The following PPWD1 variants were observed in gnomAD, a reference collection of about 807,000 sequenced individuals.
The protein encoded by PPWD1 is peptidylprolyl isomerase domain and WD repeat containing 1.
In PPWD1, 43 loss-of-function variants were observed where a neutral mutation model predicts 68.8. The ratio of observed to expected loss-of-function variants is 0.62; its 90% CI spans 0.49 to 0.81. The LOEUF (loss-of-function observed/expected upper bound fraction) is 0.81. PPWD1 is among the 30% of genes least tolerant of loss of function. The pLI is 0.00. For synonymous variants in PPWD1, 232 were observed against 258.7 expected, an observed-to-expected ratio of 0.90 and a Z score of 0.99; for missense variants, 672 against 804.8, an observed-to-expected ratio of 0.83 and a Z score of 2.00.
rs901490546 is a variant in PPWD1 at position 65,563,323 on chromosome 5, A to G, written c.13A>G (p.Ser5Gly). 1 of 1,613,094 alleles carries G rather than the reference A, an allele frequency of 6.2e-7. No individual in the cohort carries two copies. The highest frequency in any genetic ancestry group is 1.7e-4 in the Middle Eastern group (1 of 6,052). The change falls in exon 1 of 11, where the codon AGT becomes GGT. Residue 5 changes from serine (S) to glycine (G), a missense_variant. This residue lies in a region of PPWD1 where 188 missense variants were observed against 158.6 expected (regional missense o/e 1.19). Coordinates refer to ENST00000261308, the MANE Select transcript of PPWD1 (RefSeq NM_015342.4). ...CGATGCGAACAACATGGCGGCGGAA[A>G]GTGGTAGCGATTTTCAGCAGAGACG... The part of the protein sequence containing the change: MAAE[S>G]GSDFQQRRRR...
In PPWD1 at chr5:65,583,043, C is replaced by T; in HGVS notation, c.1356C>T (p.Thr452=). ...SFKKNRFYMF[T]KREPEDTKSA... ...TTTTTACTTTCCTCCTTGAGTTTAC[C>T]AAACGAGAACCAGAAGATACGAAAA... The change falls in exon 8 of 11, where the codon ACC becomes ACT. Residue 452 remains threonine, a synonymous_variant. Coordinates refer to ENST00000261308, the MANE Select transcript of PPWD1 (RefSeq NM_015342.4). 1 of 1,564,528 alleles carries T rather than the reference C, an allele frequency of 6.4e-7. No individual in the cohort carries two copies. The highest frequency in any genetic ancestry group is 8.7e-7 in the Non-Finnish European group (1 of 1,155,098).
intron 6 of PPWD1, 64 bp downstream of exon 6, chr5:65,577,133 TG>T: frequency 1.3e-6 from 2 of 1,532,782 alleles, no homozygotes; most frequent in South Asian, 2.6e-5. Flanking sequence ...TCCTCCATCA[TG>T]GGAACAGTGG....
intron 8 of PPWD1, among the ~76,000 whole-genome samples, chr5:65,584,370 T>G (rs546536358): frequency 8.5e-5 from 13 of 152,256 alleles, no homozygotes; most frequent in African/African-American, 3.1e-4. Context: ...TTAATATTAT[T>G]GAGAAAGCTT....
intron 1 of PPWD1, 112 bp from the exon 2 acceptor site, chr5:65,567,401 T>G: frequency 7.4e-7 from 1 of 1,356,818 alleles, no homozygotes; most frequent in South Asian, 1.9e-5. Context: ...AAAACTAAAA[T>G]CCAGGAGAAA....
intron 6 of PPWD1, among the ~76,000 whole-genome samples, chr5:65,578,818 ACTTTTTTT>A (rs1753453221): frequency 2.1e-5 from 3 of 141,152 alleles, no homozygotes; most frequent in Non-Finnish European, 3.1e-5. Flanking sequence ...GTATATATAT[ACTTTTTTT>A]TAAAAAAAGA....
At chr5:65,580,702 C>T (rs1753557074) in intron 7 of PPWD1, among the ~76,000 whole-genome samples, 1 of 152,088 alleles carries the variant, frequency 6.6e-6, no homozygotes, top group African/African-American at 2.4e-5. Flanking sequence ...TTAGTAGTGA[C>T]AGGGTTTCAC....
rs1384514281 is a variant in PPWD1 at position 65,573,537 on chromosome 5, TTTTTTTTTTTTTTTTTA to T, written c.969+1252_969+1268del. Among the ~76,000 whole-genome samples the T allele has an allele frequency of 2.8e-3, 132 of 46,644 alleles. 7 individuals are homozygous for T. In the East Asian group the frequency reaches 0.04, roughly 14 times the overall value. 30.6% of individuals were successfully genotyped at this position (46,644 alleles called of 152,430 possible). A position where few individuals can be genotyped will look rare whatever the true frequency, so the allele number is the denominator to read the frequency against. ...GATGGTTTTTTTTTTTTTTTTTTTTTTTTTTTTTTTTTTTTTAAGTACAGACGGGTTTCACCGTGTTA... is the reference window on the plus strand; with the variant it reads ...GATGGTTTTTTTTTTTTTTTTTTTTTAGTACAGACGGGTTTCACCGTGTTA... On this transcript the variant is annotated intron_variant, in intron 5 of 10. Transcript: ENST00000261308.
In PPWD1 at chr5:65,569,634, C is replaced by T. The variant is rs199602684; in HGVS notation, c.302C>T (p.Thr101Ile). The T allele has an allele frequency of 6.4e-7, 1 of 1,573,294 alleles. No homozygotes were observed. Among genetic ancestry groups the T allele is most frequent in the Admixed American group, 1.7e-5 (1 of 58,820 alleles). ...DVITHVVCTKTDFIITASHDG... is the reference protein window; with the variant it reads ...DVITHVVCTKIDFIITASHDG... Reference sequence around the variant, plus strand: ...CTTTTAACATTTCATATATGCAGAACAGATTTTATTATTACTGCCAGTCAT... The same window carrying T: ...CTTTTAACATTTCATATATGCAGAATAGATTTTATTATTACTGCCAGTCAT... Residue 101 changes from threonine to isoleucine, a missense_variant and splice_region_variant, in exon 3 of 11, where the codon ACA (threonine) becomes ATA (isoleucine). By Grantham distance (89) the Thr-to-Ile change is moderately conservative. This residue lies in a region of PPWD1 where 188 missense variants were observed against 158.6 expected (regional missense o/e 1.19). Transcript: ENST00000261308.
At chr5:65,583,267 A>G in intron 8 of PPWD1, 48 bp downstream of exon 8, 4 of 1,410,458 alleles carry the variant, frequency 2.8e-6, no homozygotes, top group Non-Finnish European at 3.8e-6. Flanking sequence ...AAGAATGTAA[A>G]TGTGTATATC....
chr5:65,575,446 C>T (rs572835530), intron 5 of PPWD1, among the ~76,000 whole-genome samples: 1 of 152,206 alleles, frequency 6.6e-6, no homozygotes, highest in African/African-American at 2.4e-5. Context: ...TGTGCTTATA[C>T]CCTAACACAC....
chr5:65,587,452 T>A lies in PPWD1; in HGVS notation c.*56T>A. 1 of 1,364,386 alleles carries A rather than the reference T, an allele frequency of 7.3e-7. No homozygotes were observed. The allele number at this position is 1,364,386 out of a possible 1,614,324, so 84.5% of individuals were successfully genotyped here. On this transcript the variant is annotated 3_prime_UTR_variant, in exon 11 of 11. Coordinates refer to ENST00000261308, the MANE Select transcript of PPWD1 (RefSeq NM_015342.4). ...AAAAATACAATATTAAACAGATTAT[T>A]TTACATTAGGAAGCTTAGGACTTGC...
In PPWD1 at chr5:65,567,506, T is replaced by C. The variant is rs911649237; in HGVS notation, c.197-7T>C. On this transcript the variant is annotated splice_polypyrimidine_tract_variant and splice_region_variant and intron_variant, in intron 1 of 10. Transcript: ENST00000261308. ...ATAGATCTTATACTTTACTTTTTTT[T>C]CTTCAGTCTTAGAGTTTGAAAGAGT... 4 of 1,594,010 alleles carry C rather than the reference T, an allele frequency of 2.5e-6. No homozygotes were observed. The highest frequency in any genetic ancestry group is 3.6e-5 in the Admixed American group (2 of 55,712).
intron 7 of PPWD1, among the ~76,000 whole-genome samples, chr5:65,580,321 A>G (rs992738834): frequency 2.0e-5 from 3 of 152,186 alleles, no homozygotes; most frequent in Admixed American, 6.5e-5. Context: ...CCAGCTATCT[A>G]TGCTGGCTGG....
At position 65,585,031 on chromosome 5, in the gene PPWD1, A is replaced by G. The variant is rs1209232847; in HGVS notation, c.1550A>G (p.Glu517Gly). The G allele has an allele frequency of 1.9e-6, 3 of 1,612,576 alleles. No homozygotes were observed. Among genetic ancestry groups the G allele is most frequent in the Admixed American group, 1.7e-5 (1 of 59,968 alleles). Reference sequence around the variant, plus strand: ...CTTAATAGGTGCCCTAAGACAGTGGAAAACTTCTGTGTTCACAGCAGAAAT... The same window carrying G: ...CTTAATAGGTGCCCTAAGACAGTGGGAAACTTCTGTGTTCACAGCAGAAAT... ...LFPVECPKTV[E>G]NFCVHSRNGY... Residue 517 changes from glutamate to glycine, a missense_variant, in exon 9 of 11, where the codon GAA (glutamate) becomes GGA (glycine). By Grantham distance (98) the Glu-to-Gly change is moderately conservative. Transcript: ENST00000261308.
chr5:65,579,360 A>G, intron 6 of PPWD1, 64 bp from the exon 7 acceptor site: 1 of 1,395,562 alleles, frequency 7.2e-7, no homozygotes, highest in Non-Finnish European at 9.4e-7. Flanking sequence ...TTTTATCTGT[A>G]AAGTTGTCAT....
intron 5 of PPWD1, among the ~76,000 whole-genome samples, chr5:65,574,589 G>A (rs963182633): frequency 8.0e-5 from 12 of 150,236 alleles, no homozygotes; most frequent in African/African-American, 2.0e-4. Flanking sequence ...TCAGCCTCCC[G>A]AGTAGCTGGG....
rs1192766737 is a variant in PPWD1 at position 65,572,168 on chromosome 5, C to T, written c.851C>T (p.Thr284Ile). ...TTTGCCAAGTGTAAGGCTTATCCAA[C>T]CAGCGTATGTTTTTCACCAGATGGG... ...YEFAKCKAYP[T>I]SVCFSPDGKK... Residue 284 changes from threonine (T) to isoleucine (I), a missense_variant, in exon 5 of 11, where the codon ACC becomes ATC. Physicochemically the swap from Thr to Ile is moderately conservative, Grantham distance 89. This residue lies in a region of PPWD1 where 484 missense variants were observed against 646.2 expected (regional missense o/e 0.75). Transcript: ENST00000261308. The T allele has an allele frequency of 6.2e-7, 1 of 1,613,918 alleles. No homozygotes were observed.
chr5:65,578,721 T>C (rs1435478930), intron 6 of PPWD1, among the ~76,000 whole-genome samples: 2 of 116,800 alleles, frequency 1.7e-5, no homozygotes, highest in South Asian at 2.9e-4. Flanking sequence ...TATATGTATA[T>C]ACATATATAT....
chr5:65,563,347 C>A lies in PPWD1; in HGVS notation c.37C>A (p.Arg13Ser). The change falls in exon 1 of 11, where the codon CGT (arginine) becomes AGT (serine). Residue 13 changes from arginine (R) to serine (S), a missense_variant. Arg to Ser is a moderately radical substitution (Grantham distance 110, BLOSUM62 -1). Transcript: ENST00000261308. Reference sequence around the variant, plus strand: ...AAGTGGTAGCGATTTTCAGCAGAGACGTAGAAGGCGCCGGGACCCGGAGGA... The same window carrying A: ...AAGTGGTAGCGATTTTCAGCAGAGAAGTAGAAGGCGCCGGGACCCGGAGGA... ...AESGSDFQQR[R>S]RRRRDPEEPE... 6.2e-7 allele frequency: 1 copy of A among 1,613,930 alleles called. No individual in the cohort carries two copies. Among genetic ancestry groups the A allele is most frequent in the East Asian group, 2.2e-5 (1 of 44,860 alleles).
Sources: gnomAD v4.1 joint callset for allele counts (sites outside exome capture counted in the v4.1 genomes callset) on GRCh38, gnomAD v4.1.1 for gene constraint, gnomAD v4.1.1 regional missense constraint, MANE v1.5 for transcripts, NCBI Gene and HGNC (gene_info 2026-07-23, HGNC 2026-07-21) for gene names.